The following CDH5 variants were observed in gnomAD, a reference collection of about 807,000 sequenced individuals.
CDH5 encodes the protein cadherin 5.
A neutral mutation model predicts 62.0 loss-of-function variants in CDH5; 28 were observed. The observed-to-expected ratio is 0.45, with a 90% CI of 0.33 to 0.62. CDH5 has a LOEUF of 0.62. CDH5 is among the 20% of genes least tolerant of loss of function. The probability of loss-of-function intolerance (pLI) is 0.02; values close to 1 mark genes in which losing one functional copy is unlikely to be tolerated. For missense variants in CDH5, 940 were observed against 1,065.1 expected, an observed-to-expected ratio of 0.88 and a Z score of 1.63; for synonymous variants, 464 against 445.8, an observed-to-expected ratio of 1.04 and a Z score of -0.52.
intron 2 of CDH5, among the ~76,000 whole-genome samples, chr16:66,379,759 A>G (rs1190164579): frequency 6.6e-6 from 1 of 151,908 alleles, no homozygotes; most frequent in East Asian, 1.9e-4. Flanking sequence ...TGGTAGTGAT[A>G]GTGATGGTGG....
chr16:66,373,298 T>G (rs1960725656), intron 1 of CDH5, among the ~76,000 whole-genome samples: 1 of 152,194 alleles, frequency 6.6e-6, no homozygotes, highest in Admixed American at 6.5e-5. Flanking sequence ...AATTCAGTTT[T>G]CAGCTGTGGC....
intron 2 of CDH5, 117 bp from the exon 3 acceptor site, chr16:66,386,692 C>T: frequency 1.1e-6 from 1 of 875,860 alleles, no homozygotes. Context: ...CTGGCCAGCA[C>T]CACACACACC....
chr16:66,369,989 T>C (rs1596922692), intron 1 of CDH5, among the ~76,000 whole-genome samples: 1 of 150,426 alleles, frequency 6.6e-6, no homozygotes. Flanking sequence ...TTTTTGTTTG[T>C]TTGTTTGTTT....
intron 1 of CDH5, among the ~76,000 whole-genome samples, chr16:66,374,961 C>G (rs1001988041): frequency 6.6e-6 from 1 of 151,946 alleles, no homozygotes. Context: ...CCCCACCCCA[C>G]GACAGGCCCC....
intron 5 of CDH5, 87 bp from the exon 6 acceptor site, chr16:66,390,316 T>A (rs1184088505): frequency 2.0e-6 from 2 of 1,025,130 alleles, no homozygotes; most frequent in Non-Finnish European, 2.8e-6. Context: ...ATTTCTTTTA[T>A]CAAAATATGT....
At chr16:66,401,051 G>C (rs1437301478) in intron 11 of CDH5, 35 bp downstream of exon 11, 2 of 1,612,800 alleles carry the variant, frequency 1.2e-6, no homozygotes, top group Non-Finnish European at 1.7e-6. Flanking sequence ...AAGACACAGT[G>C]GGTGGAAGGG....
chr16:66,377,794 C>T (rs1960811636), intron 1 of CDH5: 1 of 152,164 alleles, frequency 6.6e-6, no homozygotes, highest in Non-Finnish European at 1.5e-5. Flanking sequence ...ATGCTAATGG[C>T]CAAGGTCACA....
At chr16:66,378,900 C>T (rs371590643) in intron 1 of CDH5, among the ~76,000 whole-genome samples, 5 of 152,212 alleles carry the variant, frequency 3.3e-5, no homozygotes, top group African/African-American at 1.2e-4. Context: ...CCTATGGAAG[C>T]TGCTCACACC....
At chr16:66,379,785 C>A (rs1470657965) in intron 2 of CDH5, among the ~76,000 whole-genome samples, 3 of 149,956 alleles carry the variant, frequency 2.0e-5, no homozygotes, top group East Asian at 2.0e-4. Flanking sequence ...ATGGGAAAGG[C>A]CAAGGTGGTG....
chr16:66,395,210 G>A (rs1227666109), intron 7 of CDH5, among the ~76,000 whole-genome samples: 1 of 150,508 alleles, frequency 6.6e-6, no homozygotes, highest in Non-Finnish European at 1.5e-5. Flanking sequence ...ATAACACCTA[G>A]ATGTATTCGT....
chr16:66,370,426 A>G (rs1364011341), intron 1 of CDH5, among the ~76,000 whole-genome samples: 2 of 152,164 alleles, frequency 1.3e-5, no homozygotes, highest in Non-Finnish European at 2.9e-5. Flanking sequence ...AACAAGGAGG[A>G]GCTTCTTTAA....
At chr16:66,391,237 G>C (rs987616025) in intron 6 of CDH5, among the ~76,000 whole-genome samples, 1 of 152,182 alleles carries the variant, frequency 6.6e-6, no homozygotes, top group Non-Finnish European at 1.5e-5. Flanking sequence ...ACCAAGGAGA[G>C]GCAGACACAG....
rs1236373361 is a variant in CDH5, at chr16:66,389,373, T to C, written c.632T>C (p.Ile211Thr). The change falls in exon 5 of 12, where the codon ATA (isoleucine) becomes ACA (threonine). Residue 211 changes from isoleucine (I) to threonine (T), a missense_variant. Physicochemically the swap from Ile to Thr is moderately conservative, Grantham distance 89. Coordinates refer to ENST00000341529, the MANE Select transcript of CDH5 (RefSeq NM_001795.5). ...AIDNSGRIITITKSLDREKQA... is the reference protein window; with the variant it reads ...AIDNSGRIITTTKSLDREKQA... ...CTTTTTGCAGGACGTATTATCACAA[T>C]AACGAAAAGCTTGGACCGAGAGAAG... The C allele has an allele frequency of 1.2e-6, 2 of 1,611,168 alleles. No homozygotes were observed. Among genetic ancestry groups the C allele is most frequent in the South Asian group, 1.1e-5 (1 of 90,768 alleles).
Position 66,390,428 on chromosome 16 carries a change from AGAC to A in CDH5, c.808_810del (p.Asp270del), listed in dbSNP as rs1340611820. On this transcript the variant is annotated inframe_deletion, in exon 6 of 12. Coordinates refer to ENST00000341529, the MANE Select transcript of CDH5 (RefSeq NM_001795.5). Reference sequence around the variant, plus strand: ...CCAAGTACACATTTGTCGTGCCTGAAGACACCCGTGTGGGCACCTCTGTGGGCT... The same window carrying A: ...CCAAGTACACATTTGTCGTGCCTGAAACCCGTGTGGGCACCTCTGTGGGCT... 7 of 1,613,954 alleles carry A rather than the reference AGAC, an allele frequency of 4.3e-6. No homozygotes were observed. Among genetic ancestry groups the A allele is most frequent in the Non-Finnish European group, 5.9e-6 (7 of 1,179,908 alleles).
chr16:66,396,219 C>T lies in CDH5; in HGVS notation c.1360+18C>T, dbSNP rs1596944816. The stretch of plus-strand genomic sequence containing the variant: ...TTCCACTGGTGAGTGGCCACATCTG[C>T]CAGGGCACCTGGATTCTTTTCCTTT... On this transcript the variant is annotated intron_variant, in intron 8 of 11. Transcript: ENST00000341529. 6.2e-7 allele frequency: 1 copy of T among 1,613,370 alleles called. No homozygotes were observed. Among genetic ancestry groups the T allele is most frequent in the African/African-American group, 1.3e-5 (1 of 74,916 alleles).
At chr16:66,400,488 G>A (rs1961261021) in intron 10 of CDH5, among the ~76,000 whole-genome samples, 2 of 152,222 alleles carry the variant, frequency 1.3e-5, no homozygotes, top group African/African-American at 2.4e-5. Context: ...AGAGGAAGGG[G>A]AGAGGCATCA....
At chr16:66,369,344 G>A (rs897442783) in intron 1 of CDH5, among the ~76,000 whole-genome samples, 1 of 152,178 alleles carries the variant, frequency 6.6e-6, no homozygotes, top group Admixed American at 6.5e-5. Context: ...GCTGGAGAGG[G>A]CGGGTAGATA....
chr16:66,388,531 T>G, intron 4 of CDH5, 91 bp downstream of exon 4: 1 of 819,538 alleles, frequency 1.2e-6, no homozygotes, highest in Non-Finnish European at 2.1e-6. Flanking sequence ...GGAAGTCCAG[T>G]CTGACAGGTG....
In CDH5 at chr16:66,386,981, G is replaced by C; in HGVS notation, c.383G>C (p.Gly128Ala). The change falls in exon 3 of 12, where the codon GGC becomes GCC. Residue 128 changes from glycine to alanine, a missense_variant. Coordinates refer to ENST00000341529, the MANE Select transcript of CDH5 (RefSeq NM_001795.5). The stretch of plus-strand genomic sequence containing the variant: ...GCTGTCATTGTGGACAAGGACACTG[G>C]CGAAAACCTGGAGACTCCTTCCAGC... ...LTAVIVDKDT[G>A]ENLETPSSFT... The C allele has an allele frequency of 6.2e-7, 1 of 1,614,150 alleles. No individual in the cohort carries two copies. Among genetic ancestry groups the C allele is most frequent in the Non-Finnish European group, 8.5e-7 (1 of 1,180,036 alleles).
Sources: gnomAD v4.1 joint callset for allele counts (sites outside exome capture counted in the v4.1 genomes callset) on GRCh38, gnomAD v4.1.1 for gene constraint, MANE v1.5 for transcripts, NCBI Gene and HGNC (gene_info 2026-07-23, HGNC 2026-07-21) for gene names.